CDH11: variants seen among roughly 807,000 people sequenced by gnomAD.
CDH11 encodes cadherin-11.
Under a neutral mutation model 67.8 loss-of-function variants are expected in CDH11, and 11 were observed. The ratio of observed to expected loss-of-function variants is 0.16; its 90% CI spans 0.10 to 0.27. The LOEUF (loss-of-function observed/expected upper bound fraction) is 0.27. Among genes scored for constraint, CDH11 ranks in the 10% least tolerant of loss-of-function variants. The probability of loss-of-function intolerance (pLI) is 1.00; values close to 1 mark genes in which losing one functional copy is unlikely to be tolerated. For missense variants in CDH11, 847 were observed against 1,031.2 expected, an observed-to-expected ratio of 0.82 and a Z score of 2.45; for synonymous variants, 419 against 400.0, an observed-to-expected ratio of 1.05 and a Z score of -0.57.
Position 65,115,182 on chromosome 16 carries a change from A to T in CDH11, c.-298+6698T>A, listed in dbSNP as rs1194886587. ...ACCACAGCAACCCATACGCAGAACG[A>T]ACAGAGGGAAAAAATGCAAAGGTAG... On this transcript the variant is annotated intron_variant, in intron 1 of 12. Transcript: ENST00000268603. 3.3e-5 allele frequency among the ~76,000 whole-genome samples: 5 copies of T among 152,234 alleles called. No homozygotes were observed. The East Asian group carries it at 7.8e-4, about 24-fold the overall frequency.
At chr16:64,971,175 G>T (rs918858194) in intron 11 of CDH11, among the ~76,000 whole-genome samples, 2 of 152,170 alleles carry the variant, frequency 1.3e-5, no homozygotes, top group Admixed American at 6.5e-5. Context: ...TGGAAAGGAA[G>T]GCCAGCTGAA....
At chr16:65,083,852 G>A (rs1257326418) in intron 1 of CDH11, among the ~76,000 whole-genome samples, 1 of 152,126 alleles carries the variant, frequency 6.6e-6, no homozygotes, top group African/African-American at 2.4e-5. Flanking sequence ...ATCAGACTAA[G>A]ACTCATCCAA....
At chr16:65,007,697 T>A (rs966703435) in intron 2 of CDH11, among the ~76,000 whole-genome samples, 4 of 152,320 alleles carry the variant, frequency 2.6e-5, no homozygotes, top group East Asian at 1.9e-4. Flanking sequence ...GAAGCCTGTG[T>A]AAAATTTTCT....
intron 2 of CDH11, among the ~76,000 whole-genome samples, chr16:65,022,787 A>G (rs948584461): frequency 6.6e-6 from 1 of 152,162 alleles, no homozygotes; most frequent in African/African-American, 2.4e-5. Context: ...AGAGTACCCA[A>G]GTACTGGCCA....
intron 2 of CDH11, among the ~76,000 whole-genome samples, chr16:65,012,665 C>T (rs991508439): frequency 1.3e-5 from 2 of 152,220 alleles, no homozygotes; most frequent in Non-Finnish European, 2.9e-5. Flanking sequence ...GGAGCCCACC[C>T]TACTGATCTG....
chr16:65,121,750 T>G lies in CDH11; in HGVS notation c.-298+130A>C, dbSNP rs987639173. On this transcript the variant is annotated intron_variant, in intron 1 of 12. Coordinates refer to ENST00000268603, the MANE Select transcript of CDH11 (RefSeq NM_001797.4). The surrounding 1 kb of genome is among the most constrained non-coding windows in gnomAD (Gnocchi z 4.1). Reference sequence around the variant, plus strand: ...CTTTTGCTTTGCGTTAGTGAAGCCTTCTCGACTCAGATACCACCGTCCCCC... The same window carrying G: ...CTTTTGCTTTGCGTTAGTGAAGCCTGCTCGACTCAGATACCACCGTCCCCC... 7.2e-6 allele frequency: 5 copies of G among 690,734 alleles called. No homozygotes were observed. The East Asian group carries it at 1.3e-4, about 19-fold the overall frequency. 42.8% of individuals were successfully genotyped at this position (690,734 alleles called of 1,614,324 possible).
chr16:65,055,967 A>G (rs1045864809), intron 1 of CDH11, among the ~76,000 whole-genome samples: 13 of 152,220 alleles, frequency 8.5e-5, no homozygotes, highest in Non-Finnish European at 8.8e-5. Context: ...TGTTTCTGCC[A>G]TGTGAAGACA....
chr16:65,111,052 A>C (rs2075148086), intron 1 of CDH11, among the ~76,000 whole-genome samples: 1 of 152,146 alleles, frequency 6.6e-6, no homozygotes, highest in Non-Finnish European at 1.5e-5. Flanking sequence ...TTCTGTTTTT[A>C]TAAGGCAAGG....
chr16:64,998,948 C>G, intron 3 of CDH11, 92 bp from the exon 4 acceptor site: 1 of 974,356 alleles, frequency 1.0e-6, no homozygotes, highest in Non-Finnish European at 1.6e-6. Flanking sequence ...GCTGCGCACA[C>G]ACACACGTCA....
In CDH11 at chr16:64,992,922, T is replaced by A; in HGVS notation, c.636A>T (p.Ala212=). ...AGTGACATTCCACAGTACCTGTCTGTGCTTCCACCGAAAAATAGGGTTGTC... is the reference window on the plus strand; with the variant it reads ...AGTGACATTCCACAGTACCTGTCTGAGCTTCCACCGAAAAATAGGGTTGTC... ...LEGQPYFSVE[A]QTGIIRTALP... is the part of the protein sequence containing the mutation. Residue 212 remains alanine, a synonymous_variant, in exon 5 of 13, where the codon GCA becomes GCT. Transcript: ENST00000268603. 6.2e-7 allele frequency: 1 copy of A among 1,613,726 alleles called. No individual in the cohort carries two copies. The highest frequency in any genetic ancestry group is 8.5e-7 in the Non-Finnish European group (1 of 1,179,688).
intron 1 of CDH11, among the ~76,000 whole-genome samples, chr16:65,111,121 A>G (rs1322269880): frequency 6.6e-6 from 1 of 152,240 alleles, no homozygotes; most frequent in Non-Finnish European, 1.5e-5. Context: ...GATATGCTGA[A>G]TAACAGACTC....
intron 1 of CDH11, among the ~76,000 whole-genome samples, chr16:65,092,373 C>T (rs1168405263): frequency 6.6e-6 from 1 of 152,160 alleles, no homozygotes; most frequent in Non-Finnish European, 1.5e-5. Flanking sequence ...GTGACGGCAA[C>T]CTCACAGCCC....
Position 64,947,891 on chromosome 16 carries a change from C to T in CDH11, c.2103G>A (p.Gln701=), listed in dbSNP as rs1209613590. The T allele has an allele frequency of 1.2e-6, 2 of 1,614,190 alleles. No homozygotes were observed. The highest frequency in any genetic ancestry group is 2.2e-5 in the South Asian group (2 of 91,082). The change falls in exon 13 of 13, where the codon CAG becomes CAA. Residue 701 remains glutamine, a synonymous_variant. Coordinates refer to ENST00000268603, the MANE Select transcript of CDH11 (RefSeq NM_001797.4). Reference sequence around the variant, plus strand: ...GCCGGAGCCCAGGTCTAGGCATGTACTGATACTCAGGTTTGATGTCTTTGC... The same window carrying T: ...GCCGGAGCCCAGGTCTAGGCATGTATTGATACTCAGGTTTGATGTCTTTGC... ...IPRKDIKPEY[Q]YMPRPGLRPA...
intron 2 of CDH11, among the ~76,000 whole-genome samples, chr16:65,010,367 C>G (rs1164519072): frequency 6.6e-6 from 1 of 152,124 alleles, no homozygotes; most frequent in Non-Finnish European, 1.5e-5. Flanking sequence ...CAGCACTGAG[C>G]TGGTCTCTCA....
intron 1 of CDH11, among the ~76,000 whole-genome samples, chr16:65,067,868 AAGGAAGGG>A (rs1283093288): frequency 7.3e-6 from 1 of 136,380 alleles, no homozygotes; most frequent in Non-Finnish European, 1.6e-5. Context: ...GGGAGGGAGA[AAGGAAGGG>A]AGGAAGGGAG....
chr16:65,011,947 C>A (rs1008877610), intron 2 of CDH11, among the ~76,000 whole-genome samples: 6 of 152,120 alleles, frequency 3.9e-5, no homozygotes, highest in South Asian at 2.1e-4. Context: ...ATGCATCAAG[C>A]TTTTTTTATT....
intron 1 of CDH11, chr16:65,094,506 A>G (rs78412797): frequency 6.6e-6 from 1 of 152,162 alleles, no homozygotes; most frequent in East Asian, 1.9e-4. Flanking sequence ...ATATAGACAC[A>G]TCTCTAGGGT....
chr16:65,082,544 A>G (rs547616834), intron 1 of CDH11, among the ~76,000 whole-genome samples: 63 of 152,320 alleles, frequency 4.1e-4, no homozygotes, highest in African/African-American at 1.4e-3. Flanking sequence ...CCCACGTGTA[A>G]AATGTAAGCT....
chr16:64,993,009 A>C lies in CDH11; in HGVS notation c.549T>G (p.Ala183=). ...CATAAGTGGGGTCATCTGCATCTGA[A>C]GCTGTCACCTGGATTACTGACGTTC... ...NVGTSVIQVT[A]SDADDPTYGN... is the part of the protein sequence containing the mutation. The change falls in exon 5 of 13, where the codon GCT becomes GCG. Residue 183 remains alanine, a synonymous_variant. Coordinates refer to ENST00000268603, the MANE Select transcript of CDH11 (RefSeq NM_001797.4). The C allele has an allele frequency of 6.2e-7, 1 of 1,611,416 alleles. No homozygotes were observed.
Sources: gnomAD v4.1 joint callset for allele counts (sites outside exome capture counted in the v4.1 genomes callset) on GRCh38, gnomAD v4.1.1 for gene constraint, Gnocchi (gnomAD v3.1) non-coding constraint, MANE v1.5 for transcripts, NCBI Gene and HGNC (gene_info 2026-07-23, HGNC 2026-07-21) for gene names.